Variants in DOCK1 observed in about 807,000 individuals in gnomAD.
The protein encoded by DOCK1 is dedicator of cytokinesis protein 1.
In DOCK1, 138 loss-of-function variants were observed where a neutral mutation model predicts 262.7. The observed-to-expected ratio is 0.53, with a 90% CI of 0.46 to 0.61. The LOEUF (loss-of-function observed/expected upper bound fraction) is 0.61, where lower values mean the gene tolerates loss of function less well. DOCK1 is among the 20% of genes least tolerant of loss of function. DOCK1 has a pLI of 0.00. For synonymous variants in DOCK1, 866 were observed against 867.4 expected (o/e 1.00, Z 0.03); for missense variants, 1,908 against 2,370.7 (o/e 0.80, Z 4.05).
chr10:127,425,268 G>A lies in DOCK1; in HGVS notation c.4777-606G>A, dbSNP rs2068745861. 4.6e-5 allele frequency among the ~76,000 whole-genome samples: 7 copies of A among 152,246 alleles called. No homozygotes were observed. The South Asian group carries it at 1.2e-3, about 27-fold the overall frequency. The stretch of plus-strand genomic sequence containing the variant: ...ACAGCAGCAACTCTGGTGGGTCTCT[G>A]CAGCTGGGAGAATGAAAATGTCTCT... On this transcript the variant is annotated intron_variant, in intron 46 of 51. Transcript: ENST00000623213.
rs781248318 is a variant in DOCK1, at chr10:127,439,194, A to T, written c.5228A>T (p.Gln1743Leu). 2 of 1,611,780 alleles carry T rather than the reference A, an allele frequency of 1.2e-6. No homozygotes were observed. Among genetic ancestry groups the T allele is most frequent in the Non-Finnish European group, 1.7e-6 (2 of 1,179,076 alleles). The change falls in exon 49 of 52, where the codon CAG becomes CTG. Residue 1743 changes from glutamine to leucine, a missense_variant. Coordinates refer to ENST00000623213, the MANE Select transcript of DOCK1 (RefSeq NM_001290223.2). ...KEFKPTDISLQQSEAVILSET... is the reference protein window; with the variant it reads ...KEFKPTDISLLQSEAVILSET... Reference sequence around the variant, plus strand: ...TTTAAACCCACCGACATTTCCCTGCAGCAGTCTGAGGCTGTGATCCTTTCG... The same window carrying T: ...TTTAAACCCACCGACATTTCCCTGCTGCAGTCTGAGGCTGTGATCCTTTCG...
At chr10:127,123,609 G>A (rs1040689040) in intron 25 of DOCK1, among the ~76,000 whole-genome samples, 1 of 152,194 alleles carries the variant, frequency 6.6e-6, no homozygotes, top group Non-Finnish European at 1.5e-5. Flanking sequence ...CTATAGGAAA[G>A]GCATTGAGAT....
At chr10:126,996,666 AGTTGCTGT>A in intron 6 of DOCK1, 74 bp from the exon 7 acceptor site, 1 of 1,375,422 alleles carries the variant, frequency 7.3e-7, no homozygotes, top group South Asian at 2.0e-5. Context: ...TTACCTGCCC[AGTTGCTGT>A]GGTGGAAGTT....
At chr10:127,171,409 A>C (rs2054558335) in intron 27 of DOCK1, among the ~76,000 whole-genome samples, 1 of 152,224 alleles carries the variant, frequency 6.6e-6, no homozygotes, top group South Asian at 2.1e-4. Context: ...AGCGGGATTC[A>C]AAGAATACTG....
chr10:127,106,287 TC>T lies in DOCK1; in HGVS notation c.2505del (p.Glu837SerfsTer18). 1 of 1,597,354 alleles carries T rather than the reference TC, an allele frequency of 6.3e-7. No homozygotes were observed. The highest frequency in any genetic ancestry group is 1.1e-5 in the South Asian group (1 of 87,780). ...TCAACGATGTGAAATTGGTGTTTGA[TC>T]CCAAAGAGCTCAGGTAAGTATGCAG... ...IVNDVKLVFD[P>X]KELSKMFTEF... is the part of the protein sequence containing the mutation. On this transcript the variant is annotated frameshift_variant, in exon 24 of 52. Coordinates refer to ENST00000623213, the MANE Select transcript of DOCK1 (RefSeq NM_001290223.2). LOFTEE classifies it high-confidence loss of function.
intron 1 of DOCK1, among the ~76,000 whole-genome samples, chr10:126,940,483 A>G (rs2134245447): frequency 6.6e-6 from 1 of 152,288 alleles, no homozygotes; most frequent in South Asian, 2.1e-4. Context: ...GGCTCACTGC[A>G]ACCTCTGCCT....
rs2039709661 is a variant in DOCK1, at chr10:126,990,443, T to C, written c.325-12T>C. The C allele has an allele frequency of 6.3e-7, 1 of 1,595,434 alleles. No individual in the cohort carries two copies. Among genetic ancestry groups the C allele is most frequent in the Admixed American group, 1.7e-5 (1 of 57,462 alleles). On this transcript the variant is annotated splice_polypyrimidine_tract_variant and intron_variant, in intron 5 of 51. Coordinates refer to ENST00000623213, the MANE Select transcript of DOCK1 (RefSeq NM_001290223.2). ...TAACAAAATCTTTCTGATTGGGTTT[T>C]TCCCCGTATAGCAAGATAACAGGGA...
At chr10:127,392,125 G>A (rs111545041) in intron 38 of DOCK1, among the ~76,000 whole-genome samples, 10 of 151,760 alleles carry the variant, frequency 6.6e-5, no homozygotes, top group Non-Finnish European at 1.3e-4. Flanking sequence ...CTGCTGTCTC[G>A]TGTGACGGCT....
intron 25 of DOCK1, among the ~76,000 whole-genome samples, chr10:127,115,526 G>T (rs956815964): frequency 6.6e-6 from 1 of 152,194 alleles, no homozygotes; most frequent in Non-Finnish European, 1.5e-5. Context: ...TTGTAGCTTT[G>T]TTTCCATGTG....
At chr10:126,938,434 T>G (rs1409125184) in intron 1 of DOCK1, among the ~76,000 whole-genome samples, 2 of 152,356 alleles carry the variant, frequency 1.3e-5, no homozygotes, top group East Asian at 3.9e-4. Context: ...TGGTCTTGGC[T>G]CTCTGTTGAA....
intron 47 of DOCK1, among the ~76,000 whole-genome samples, chr10:127,428,813 G>GTGTGGATTGGGGTGCCA (rs2069025119): frequency 1.4e-5 from 2 of 140,710 alleles, no homozygotes; most frequent in African/African-American, 2.7e-5. Context: ...TTGGGGTGCC[G>GTGTGGATTGGGGTGCCA]TGTGGATTGG....
intron 2 of DOCK1, among the ~76,000 whole-genome samples, chr10:126,972,131 G>C (rs909866537): frequency 6.6e-6 from 1 of 151,936 alleles, no homozygotes; most frequent in Non-Finnish European, 1.5e-5. Context: ...GGTCAGGCTG[G>C]TCTTGAACTC....
intron 23 of DOCK1, among the ~76,000 whole-genome samples, chr10:127,091,115 G>A (rs184254977): frequency 6.6e-6 from 1 of 151,858 alleles, no homozygotes; most frequent in Non-Finnish European, 1.5e-5. Flanking sequence ...CCGAGTAGCT[G>A]GGACTACAGG....
chr10:127,394,707 C>T (rs568027877), intron 38 of DOCK1, among the ~76,000 whole-genome samples: 1 of 152,284 alleles, frequency 6.6e-6, no homozygotes, highest in South Asian at 2.1e-4. Context: ...AGTCCATTTT[C>T]GAGTCAGTAA....
chr10:127,129,919 G>A (rs1468156924), intron 27 of DOCK1, among the ~76,000 whole-genome samples: 1 of 151,906 alleles, frequency 6.6e-6, no homozygotes, highest in Non-Finnish European at 1.5e-5. Context: ...AGGGAAACAT[G>A]GTTCTGTCTC....
intron 27 of DOCK1, among the ~76,000 whole-genome samples, chr10:127,236,795 C>T (rs1419809782): frequency 2.6e-5 from 4 of 151,980 alleles, no homozygotes; most frequent in Non-Finnish European, 5.9e-5. Flanking sequence ...ATCATCATCA[C>T]CACCATTCAT....
intron 29 of DOCK1, among the ~76,000 whole-genome samples, chr10:127,291,409 G>T (rs2061342107): frequency 6.6e-6 from 1 of 152,032 alleles, no homozygotes; most frequent in African/African-American, 2.4e-5. Context: ...ATGTACACTA[G>T]CCCCTTCATT....
chr10:127,204,555 G>A (rs1046532497), intron 27 of DOCK1, among the ~76,000 whole-genome samples: 1 of 152,068 alleles, frequency 6.6e-6, no homozygotes, highest in Non-Finnish European at 1.5e-5. Flanking sequence ...CCAAAGTGCT[G>A]GGATCACTGG....
intron 27 of DOCK1, among the ~76,000 whole-genome samples, chr10:127,153,184 G>T (rs61361683): frequency 0.079 from 12,071 of 152,186 alleles, 665 homozygotes; most frequent in Middle Eastern, 0.14. Flanking sequence ...AATTACATTT[G>T]CAAAAAGAAA....
Sources: allele counts gnomAD v4.1 joint callset (sites outside exome capture counted in the v4.1 genomes callset), GRCh38; gene constraint gnomAD v4.1.1; transcripts MANE v1.5; gene names NCBI Gene and HGNC (gene_info 2026-07-23, HGNC 2026-07-21).